Variants in MAPKAPK3 observed in about 807,000 individuals in gnomAD.
MAPKAPK3 encodes MAP kinase-activated protein kinase 3.
A neutral mutation model predicts 49.2 loss-of-function variants in MAPKAPK3; 35 were observed. The observed-to-expected ratio is 0.71, with a 90% CI of 0.54 to 0.94. MAPKAPK3 has a LOEUF of 0.94. MAPKAPK3 is among the 40% of genes least tolerant of loss of function. MAPKAPK3 has a pLI of 0.00. For missense variants in MAPKAPK3, 398 were observed against 493.1 expected (o/e 0.81, Z 1.83); for synonymous variants, 178 against 188.7 (o/e 0.94, Z 0.46).
At position 50,617,606 on chromosome 3, in the gene MAPKAPK3, C is replaced by A; in HGVS notation, c.41C>A (p.Pro14His). The A allele has an allele frequency of 6.2e-7, 1 of 1,601,438 alleles. No homozygotes were observed. Residue 14 changes from proline (P) to histidine (H), a missense_variant, in exon 2 of 11, where the codon CCC (proline) becomes CAC (histidine). Physicochemically the swap from Pro to His is moderately conservative, Grantham distance 77. Around this residue, in one of 5 missense-constraint regions of MAPKAPK3, gnomAD observed 123 missense variants for 117.7 expected, o/e 1.04. Transcript: ENST00000621469. Reference sequence around the variant, plus strand: ...GCAGAGGAGCAGGGGGGCCCTGTGCCCCCGCCAGTTGCACCCGGCGGACCC... The same window carrying A: ...GCAGAGGAGCAGGGGGGCCCTGTGCACCCGCCAGTTGCACCCGGCGGACCC... Reference protein sequence around the residue: ...ETAEEQGGPVPPPVAPGGPGL... With the variant: ...ETAEEQGGPVHPPVAPGGPGL...
intron 6 of MAPKAPK3, among the ~76,000 whole-genome samples, 154 bp downstream of exon 6, chr3:50,644,686 C>T (rs532226863): frequency 1.3e-5 from 2 of 152,154 alleles, no homozygotes; most frequent in Admixed American, 6.5e-5. Context: ...CGTGGGGGGC[C>T]GGAGGCTGCA....
intron 2 of MAPKAPK3, among the ~76,000 whole-genome samples, chr3:50,619,984 G>T (rs1426116669): frequency 3.3e-5 from 5 of 152,122 alleles, no homozygotes; most frequent in African/African-American, 9.7e-5. Flanking sequence ...CCCTAAATTG[G>T]CCCTCAAAGG....
At chr3:50,624,980 T>A (rs932433504) in intron 2 of MAPKAPK3, among the ~76,000 whole-genome samples, 1 of 152,180 alleles carries the variant, frequency 6.6e-6, no homozygotes, top group Admixed American at 6.5e-5. Context: ...CTATTGGACA[T>A]CTTGTGTGGT....
Position 50,644,490 on chromosome 3 carries a change from C to T in MAPKAPK3, c.586C>T (p.Gln196Ter), listed in dbSNP as rs751679355. The T allele has an allele frequency of 6.2e-7, 1 of 1,614,202 alleles. No homozygotes were observed. The highest frequency in any genetic ancestry group is 8.5e-7 in the Non-Finnish European group (1 of 1,180,024). The change falls in exon 6 of 11, where the codon CAA (glutamine) becomes TAA (stop). Residue 196 changes from glutamine to a stop codon, truncating the protein, a stop_gained. Transcript: ENST00000621469. LOFTEE classifies it high-confidence loss of function. ...TTTTGGCTTTGCTAAGGAGACCACC[C>T]AAAATGCCCTGCAGACACCCTGCTA... The part of the protein sequence containing the change: ...TDFGFAKETT[Q>*]NALQTPCYTP...
At chr3:50,645,018 C>T (rs1023062507) in intron 6 of MAPKAPK3, among the ~76,000 whole-genome samples, 3 of 152,066 alleles carry the variant, frequency 2.0e-5, no homozygotes, top group Non-Finnish European at 4.4e-5. Context: ...AGTTCACTGC[C>T]CTTCTGCAAG....
At chr3:50,615,853 C>A (rs2032453479), upstream of MAPKAPK3, among the ~76,000 whole-genome samples, 1 of 152,244 alleles carries the variant, frequency 6.6e-6, no homozygotes, top group Non-Finnish European at 1.5e-5. Context: ...ACAGTGGGTA[C>A]CCACTAATAA....
At chr3:50,612,032 G>T in exon 1 of MAPKAPK3, 1 of 243,406 alleles carries the variant, frequency 4.1e-6, no homozygotes, top group South Asian at 1.2e-4. Flanking sequence ...GCGGGGCCCC[G>T]CGAGCTGACC....
chr3:50,613,897 G>T (rs1220855498), upstream of MAPKAPK3: 1 of 152,234 alleles, frequency 6.6e-6, no homozygotes, highest in African/African-American at 2.4e-5. Flanking sequence ...CTTCCTCTAT[G>T]GGTGCTGGTG....
chr3:50,635,915 T>A, intron 2 of MAPKAPK3, among the ~76,000 whole-genome samples: 1 of 92,928 alleles, frequency 1.1e-5, no homozygotes, highest in Non-Finnish European at 1.9e-5. Context: ...AAACCCCGTC[T>A]CTACCAAAAA....
At chr3:50,636,933 C>T (rs995045232) in intron 2 of MAPKAPK3, among the ~76,000 whole-genome samples, 36 of 152,082 alleles carry the variant, frequency 2.4e-4, no homozygotes, top group African/African-American at 7.0e-4. Context: ...TTATATTTTC[C>T]GGGGACGGCC....
intron 6 of MAPKAPK3, among the ~76,000 whole-genome samples, chr3:50,645,129 C>A (rs1386708156): frequency 6.6e-6 from 1 of 152,114 alleles, no homozygotes; most frequent in Non-Finnish European, 1.5e-5. Flanking sequence ...AGAGGTCTTC[C>A]TGGAGGGCTG....
chr3:50,637,433 G>A (rs1005134049), intron 2 of MAPKAPK3, among the ~76,000 whole-genome samples: 5 of 151,978 alleles, frequency 3.3e-5, no homozygotes, highest in Non-Finnish European at 7.4e-5. Flanking sequence ...TCAGGAGATC[G>A]AGACCATCTT....
chr3:50,628,762 A>G (rs1444699676), intron 2 of MAPKAPK3, among the ~76,000 whole-genome samples: 2 of 152,184 alleles, frequency 1.3e-5, no homozygotes, highest in Non-Finnish European at 2.9e-5. Context: ...GGAGGAGGCC[A>G]TAGCTGTCTC....
chr3:50,647,317 A>G lies in MAPKAPK3; in HGVS notation c.996+114A>G, dbSNP rs545852331. On this transcript the variant is annotated intron_variant, in intron 10 of 10. Coordinates refer to ENST00000621469, the MANE Select transcript of MAPKAPK3 (RefSeq NM_001243925.2). Reference sequence around the variant, plus strand: ...TTTGGCCCCTTTCTATACCTGGAGCACAGGGTGTCAGTGACTGTCGCAGTG... The same window carrying G: ...TTTGGCCCCTTTCTATACCTGGAGCGCAGGGTGTCAGTGACTGTCGCAGTG... The G allele has an allele frequency of 1.8e-5, 14 of 794,584 alleles. No homozygotes were observed. In the South Asian group the frequency reaches 2.1e-4, roughly 12 times the overall value. 49.2% of individuals were successfully genotyped at this position (794,584 alleles called of 1,614,324 possible).
At chr3:50,643,970 G>A (rs35522371) in intron 5 of MAPKAPK3, among the ~76,000 whole-genome samples, 1 of 152,160 alleles carries the variant, frequency 6.6e-6, no homozygotes, top group African/African-American at 2.4e-5. Context: ...TGAGCAACCA[G>A]GGCCTTCTCC....
At chr3:50,627,985 G>A (rs1331853937) in intron 2 of MAPKAPK3, among the ~76,000 whole-genome samples, 1 of 152,216 alleles carries the variant, frequency 6.6e-6, no homozygotes, top group Non-Finnish European at 1.5e-5. Context: ...GAGATGCTGA[G>A]CAGATATGAG....
chr3:50,640,533 C>G, intron 3 of MAPKAPK3, 28 bp downstream of exon 3: 1 of 1,579,010 alleles, frequency 6.3e-7, no homozygotes, highest in Non-Finnish European at 8.6e-7. Context: ...GTCTCCACAC[C>G]CCCTCGGCAT....
At position 50,646,124 on chromosome 3, in the gene MAPKAPK3, T is replaced by C; in HGVS notation, c.705-16T>C. ...CTGCTCCCACCCTATGCCAAATGAC[T>C]TACCCCTTCCCCCAGCCTTTGTGGC... On this transcript the variant is annotated splice_polypyrimidine_tract_variant and intron_variant, in intron 7 of 10. Coordinates refer to ENST00000621469, the MANE Select transcript of MAPKAPK3 (RefSeq NM_001243925.2). The C allele has an allele frequency of 9.3e-6, 15 of 1,611,862 alleles. No homozygotes were observed. Among genetic ancestry groups the C allele is most frequent in the Non-Finnish European group, 1.2e-5 (14 of 1,178,640 alleles).
At chr3:50,617,127 G>A (rs1409816004), upstream of MAPKAPK3, 1 of 144,432 alleles carries the variant, frequency 6.9e-6, no homozygotes, top group African/African-American at 2.6e-5. Context: ...AGGGGGGGGA[G>A]GTCACGTGGG....
Sources: gnomAD v4.1 joint callset for allele counts (sites outside exome capture counted in the v4.1 genomes callset) on GRCh38, gnomAD v4.1.1 for gene constraint, gnomAD v4.1.1 regional missense constraint, MANE v1.5 for transcripts, NCBI Gene and HGNC (gene_info 2026-07-23, HGNC 2026-07-21) for gene names.